CDH3: variants seen among roughly 807,000 people sequenced by gnomAD.
The protein encoded by CDH3 is cadherin-3.
In CDH3, 54 loss-of-function variants were observed where a neutral mutation model predicts 82.0. The ratio of observed to expected loss-of-function variants is 0.66; its 90% CI spans 0.53 to 0.83. The LOEUF is 0.83. Among genes scored for constraint, CDH3 ranks in the 40% least tolerant of loss-of-function variants. The pLI is 0.00. For synonymous variants in CDH3, 446 were observed against 437.9 expected, an observed-to-expected ratio of 1.02 and a Z score of -0.23; for missense variants, 1,054 against 1,084.6, an observed-to-expected ratio of 0.97 and a Z score of 0.40.
Position 68,654,732 on chromosome 16 carries a change from A to T in CDH3, c.160+8982A>T, listed in dbSNP as rs189161466. On this transcript the variant is annotated intron_variant, in intron 2 of 15. Coordinates refer to ENST00000264012, the MANE Select transcript of CDH3 (RefSeq NM_001793.6). ...AAAAAAAATATATATATATATATAT[A>T]TATTTATTTTTAAATTAGAGGCGGC... Among the ~76,000 whole-genome samples, 816 of 138,504 alleles carry T rather than the reference A, an allele frequency of 5.9e-3. 29 individuals are homozygous for T. Among genetic ancestry groups the T allele is most frequent in the Admixed American group, 0.047 (623 of 13,396 alleles). The allele number at this position is 138,504 out of a possible 152,430, so 90.9% of individuals were successfully genotyped here. A position where few individuals can be genotyped will look rare whatever the true frequency, so the allele number is the denominator to read the frequency against.
intron 1 of CDH3, chr16:68,722,384 G>A (rs1215443576): frequency 6.6e-6 from 1 of 152,162 alleles, no homozygotes; most frequent in African/African-American, 2.4e-5. Context: ...CTGGACTCTG[G>A]AATTTTCTAG....
Position 68,698,451 on chromosome 16 carries a change from C to G in CDH3, c.*51C>G. ...CAAACGTCAGGCCACAGAGCATCTC[C>G]AAGGGGTCTCAGTTCCCCCTTCAGC... On this transcript the variant is annotated 3_prime_UTR_variant, in exon 16 of 16. Coordinates refer to ENST00000264012, the MANE Select transcript of CDH3 (RefSeq NM_001793.6). 1.3e-6 allele frequency: 2 copies of G among 1,537,758 alleles called. No homozygotes were observed. The highest frequency in any genetic ancestry group is 2.2e-5 in the South Asian group (2 of 89,404).
rs561915097 is a variant in CDH3 at position 68,691,011 on chromosome 16, C to CTTT, written c.1796-696_1796-694dup. Among the ~76,000 whole-genome samples the CTTT allele has an allele frequency of 1.2e-4, 17 of 137,612 alleles. 1 individual carries two copies. The highest frequency in any genetic ancestry group is 3.5e-4 in the African/African-American group (13 of 37,056). 90.3% of individuals were successfully genotyped at this position (137,612 alleles called of 152,430 possible). On this transcript the variant is annotated intron_variant, in intron 12 of 15. Coordinates refer to ENST00000264012, the MANE Select transcript of CDH3 (RefSeq NM_001793.6). ...TAGCCATTCTTTATTCCTTTACTTT[C>CTTT]TTTTTTTTTTTTTTTGAGACAGTCC...
At chr16:68,686,893 A>G (rs1961427271) in intron 11 of CDH3, among the ~76,000 whole-genome samples, 1 of 152,222 alleles carries the variant, frequency 6.6e-6, no homozygotes, top group Admixed American at 6.5e-5. Flanking sequence ...ACCTTAACCC[A>G]GGAGGTGGTG....
chr16:68,678,189 T>A lies in CDH3; in HGVS notation c.302T>A (p.Ile101Asn). 6.2e-7 allele frequency: 1 copy of A among 1,613,900 alleles called. No homozygotes were observed. Among genetic ancestry groups the A allele is most frequent in the South Asian group, 1.1e-5 (1 of 91,082 alleles). ...NPLKIFPSKR[I>N]LRRHKRDWVV... ...TTGAAGATCTTCCCATCCAAACGTA[T>A]CTTACGAAGACACAAGAGAGATTGG... The change falls in exon 4 of 16, where the codon ATC becomes AAC. Residue 101 changes from isoleucine to asparagine, a missense_variant. By Grantham distance (149) the Ile-to-Asn change is moderately radical. Transcript: ENST00000264012.
intron 12 of CDH3, among the ~76,000 whole-genome samples, chr16:68,690,838 C>T (rs554418978): frequency 4.0e-5 from 6 of 151,600 alleles, no homozygotes; most frequent in Non-Finnish European, 5.9e-5. Flanking sequence ...ACGTGGGAGG[C>T]GGAGGTTGCA....
At chr16:68,725,193 C>G (rs1962206144) in intron 2 of CDH3, among the ~76,000 whole-genome samples, 1 of 152,194 alleles carries the variant, frequency 6.6e-6, no homozygotes, top group Non-Finnish European at 1.5e-5. Context: ...GGGCTTAACT[C>G]ACTCCACTTA....
At chr16:68,651,844 T>G in intron 2 of CDH3, 1 of 496,116 alleles carries the variant, frequency 2.0e-6, no homozygotes, top group South Asian at 1.6e-5. Context: ...AGTCCCTCGA[T>G]CCAGCTGTGG....
At position 68,687,492 on chromosome 16, in the gene CDH3, A is replaced by G. The variant is rs374774962; in HGVS notation, c.1571-20A>G. On this transcript the variant is annotated intron_variant, in intron 11 of 15. Transcript: ENST00000264012. The stretch of plus-strand genomic sequence containing the variant: ...CTGGGTGGGTCACAGGGAGCTCATC[A>G]TATGTGTCATTACAAACAGGAAGCC... 1.5e-5 allele frequency: 24 copies of G among 1,604,814 alleles called. No homozygotes were observed. The African/African-American group carries it at 2.1e-4, about 14-fold the overall frequency.
intron 12 of CDH3, 53 bp from the exon 13 acceptor site, chr16:68,691,667 C>G (rs1961576936): frequency 1.4e-6 from 2 of 1,405,448 alleles, no homozygotes; most frequent in Non-Finnish European, 2.0e-6. Flanking sequence ...ATGGTGTACT[C>G]AGATCCCCGC....
intron 2 of CDH3, chr16:68,651,798 C>T (rs1960255558): frequency 2.1e-6 from 1 of 482,078 alleles, no homozygotes; most frequent in South Asian, 1.7e-5. Context: ...GTCCTTCAGG[C>T]CCTGCTGGAA....
chr16:68,712,329 C>T (rs932325157), intron 1 of CDH3, among the ~76,000 whole-genome samples: 1 of 152,078 alleles, frequency 6.6e-6, no homozygotes, highest in Non-Finnish European at 1.5e-5. Context: ...AGCCATCACA[C>T]CCGGCCCAGA....
chr16:68,686,653 G>C (rs1037715785), intron 11 of CDH3: 8 of 862,120 alleles, frequency 9.3e-6, no homozygotes, highest in Non-Finnish European at 1.6e-5. Flanking sequence ...TCCTATTTAG[G>C]GATGGTGACA....
In CDH3 at chr16:68,682,358, C is replaced by T; in HGVS notation, c.1053C>T (p.Val351=). The change falls in exon 9 of 16, where the codon GTC becomes GTT. Residue 351 remains valine (V), a synonymous_variant. Transcript: ENST00000264012. ...AVGHEVQRLT[V]TDLDAPNSPA... ...GCCATGAGGTGCAGAGGCTGACGGT[C>T]ACTGATCTGGACGCCCCCAACTCAC... 2.5e-6 allele frequency: 4 copies of T among 1,614,058 alleles called. No homozygotes were observed. The highest frequency in any genetic ancestry group is 3.4e-6 in the Non-Finnish European group (4 of 1,180,026).
intron 15 of CDH3, among the ~76,000 whole-genome samples, chr16:68,697,750 G>A (rs1961772730): frequency 6.6e-6 from 1 of 152,096 alleles, no homozygotes; most frequent in East Asian, 1.9e-4. Context: ...TGCTTTACAG[G>A]TATTTACTCA....
chr16:68,693,371 T>C (rs1344356283), intron 13 of CDH3, among the ~76,000 whole-genome samples: 1 of 152,100 alleles, frequency 6.6e-6, no homozygotes, highest in Non-Finnish European at 1.5e-5. Context: ...GATGGGAGGC[T>C]CAGGCTAGGA....
chr16:68,661,395 A>T (rs553459835), intron 2 of CDH3, among the ~76,000 whole-genome samples: 1 of 152,294 alleles, frequency 6.6e-6, no homozygotes, highest in East Asian at 1.9e-4. Context: ...TGGGGATCTC[A>T]TATGGTTATG....
chr16:68,645,339 C>T lies in CDH3; in HGVS notation c.-41C>T, dbSNP rs1960012855. 1 of 1,605,836 alleles carries T rather than the reference C, an allele frequency of 6.2e-7. No individual in the cohort carries two copies. Among genetic ancestry groups the T allele is most frequent in the Non-Finnish European group, 8.5e-7 (1 of 1,174,648 alleles). On this transcript the variant is annotated 5_prime_UTR_variant, in exon 1 of 16. Coordinates refer to ENST00000264012, the MANE Select transcript of CDH3 (RefSeq NM_001793.6). ...GGGCAAGAGCTGAGCGGAACACCGG[C>T]CCGCCGTCGCGGCAGCTGCTTCACC... is the stretch of plus-strand genomic sequence containing the variant.
intron 1 of CDH3, among the ~76,000 whole-genome samples, chr16:68,706,279 G>T (rs773446625): frequency 2.6e-5 from 4 of 152,062 alleles, no homozygotes; most frequent in Non-Finnish European, 4.4e-5. Flanking sequence ...GGGCTAGAGT[G>T]TGCCTCCGTG....
Sources: allele counts gnomAD v4.1 joint callset (sites outside exome capture counted in the v4.1 genomes callset), GRCh38; gene constraint gnomAD v4.1.1; transcripts MANE v1.5; gene names NCBI Gene and HGNC (gene_info 2026-07-23, HGNC 2026-07-21).